The following SLC44A5 variants were observed in gnomAD, a reference collection of about 807,000 sequenced individuals.
SLC44A5 encodes choline transporter-like protein 5.
In SLC44A5, 57 loss-of-function variants were observed where a neutral mutation model predicts 101.8. The observed-to-expected ratio is 0.56, with a 90% CI of 0.45 to 0.70. The LOEUF (loss-of-function observed/expected upper bound fraction) is 0.70. Ranked by LOEUF, SLC44A5 falls within the 30% of genes least tolerant of loss-of-function variation. SLC44A5 has a pLI of 0.00. For missense variants in SLC44A5, 737 were observed against 853.1 expected (o/e 0.86, Z 1.70); for synonymous variants, 281 against 290.9 (o/e 0.97, Z 0.35).
intron 2 of SLC44A5, among the ~76,000 whole-genome samples, chr1:75,400,468 A>T (rs1662405438): frequency 6.6e-6 from 1 of 152,234 alleles, no homozygotes; most frequent in South Asian, 2.1e-4. Flanking sequence ...TAGTAGGTAG[A>T]ATCTTCAGGA....
chr1:75,613,144 C>T (rs1368709984), upstream of SLC44A5, among the ~76,000 whole-genome samples: 2 of 152,156 alleles, frequency 1.3e-5, no homozygotes, highest in Admixed American at 6.5e-5. Flanking sequence ...TCACAAGATC[C>T]GACGAATGAT....
At chr1:75,419,468 A>G (rs912558373) in intron 2 of SLC44A5, among the ~76,000 whole-genome samples, 12 of 151,750 alleles carry the variant, frequency 7.9e-5, no homozygotes, top group Non-Finnish European at 1.6e-4. Context: ...TGCTAAAGAG[A>G]GAGAAAAAAA....
chr1:75,698,878 C>T, the SLC44A5 span, among the ~76,000 whole-genome samples: 1 of 152,112 alleles, frequency 6.6e-6, no homozygotes, highest in East Asian at 1.9e-4. Flanking sequence ...GGAGCCAATG[C>T]TATCAACTGG....
the SLC44A5 span, among the ~76,000 whole-genome samples, chr1:75,699,148 G>C: frequency 2.0e-5 from 3 of 152,020 alleles, no homozygotes; most frequent in Admixed American, 1.3e-4. Context: ...AGGAAATACA[G>C]AGAACACCAC....
chr1:75,719,416 C>T, the SLC44A5 span, among the ~76,000 whole-genome samples: 1 of 151,890 alleles, frequency 6.6e-6, no homozygotes, highest in African/African-American at 2.4e-5. Flanking sequence ...ATTTATTTTG[C>T]AAATAAATTG....
At chr1:75,230,420 A>C (rs937450518) in intron 12 of SLC44A5, among the ~76,000 whole-genome samples, 3 of 148,068 alleles carry the variant, frequency 2.0e-5, no homozygotes, top group African/African-American at 7.5e-5. Context: ...GCTAATTTTT[A>C]TATTTTTTTT....
intron 6 of SLC44A5, among the ~76,000 whole-genome samples, chr1:75,258,189 G>A (rs1196253797): frequency 2.0e-5 from 3 of 151,964 alleles, no homozygotes; most frequent in Non-Finnish European, 4.4e-5. Flanking sequence ...CAGTGAGACA[G>A]AACTGTTCAC....
chr1:75,211,780 G>A (rs1344156316), intron 22 of SLC44A5, among the ~76,000 whole-genome samples: 2 of 151,304 alleles, frequency 1.3e-5, no homozygotes, highest in African/African-American at 4.9e-5. Flanking sequence ...TTTTTGGGGG[G>A]TACTATTTTC....
At chr1:75,412,033 A>C (rs966932097) in intron 2 of SLC44A5, among the ~76,000 whole-genome samples, 1 of 152,146 alleles carries the variant, frequency 6.6e-6, no homozygotes, top group African/African-American at 2.4e-5. Flanking sequence ...GCCTACTTTT[A>C]GTATCTAATT....
chr1:75,375,353 C>A (rs2347214), intron 3 of SLC44A5, among the ~76,000 whole-genome samples: 31,025 of 152,090 alleles, frequency 0.2, 4,373 homozygotes, highest in East Asian at 0.81. Flanking sequence ...AGAGACTATA[C>A]GTGTGACTCA....
intron 5 of SLC44A5, among the ~76,000 whole-genome samples, chr1:75,300,014 CAAAAAAAAAAAAAA>C (rs35608663): frequency 3.2e-5 from 3 of 93,796 alleles, no homozygotes; most frequent in African/African-American, 1.1e-4. Context: ...GACTCTGTCT[CAAAAAAAAAAAAAA>C]AAAAAAAAAA....
intron 2 of SLC44A5, among the ~76,000 whole-genome samples, chr1:75,436,471 C>T (rs918016025): frequency 6.6e-6 from 1 of 151,990 alleles, no homozygotes; most frequent in African/African-American, 2.4e-5. Flanking sequence ...TAAAAATACA[C>T]TATAAAAGAT....
At chr1:75,319,810 AAAAT>A (rs1445185302) in intron 4 of SLC44A5, among the ~76,000 whole-genome samples, 1 of 152,216 alleles carries the variant, frequency 6.6e-6, no homozygotes, top group East Asian at 1.9e-4. Context: ...TATAACAGAT[AAAAT>A]AAAAATGTAT....
chr1:75,575,546 T>C (rs1213719493), intron 1 of SLC44A5, among the ~76,000 whole-genome samples: 2 of 152,184 alleles, frequency 1.3e-5, no homozygotes, highest in Admixed American at 6.5e-5. Flanking sequence ...TAGGAGCTGG[T>C]AGGAAATTTA....
Position 75,554,468 on chromosome 1 carries a change from T to C in SLC44A5, c.-69-12952A>G, listed in dbSNP as rs1430743923. Among the ~76,000 whole-genome samples, 64 of 26,684 alleles carry C rather than the reference T, an allele frequency of 2.4e-3. 1 individual carries two copies. Among genetic ancestry groups the C allele is most frequent in the African/African-American group, 0.011 (63 of 5,522 alleles). The allele number at this position is 26,684 out of a possible 152,430, so 17.5% of individuals were successfully genotyped here. On this transcript the variant is annotated intron_variant, in intron 1 of 23. Coordinates refer to ENST00000370859, the MANE Select transcript of SLC44A5 (RefSeq NM_001130058.2). ...GCCTGAGCAACAGAGTGTGACTCTG[T>C]CAAAAAAAAAAAAAAAAAATGTAAT... is the stretch of plus-strand genomic sequence containing the variant.
At chr1:75,453,259 T>C (rs891850804) in intron 2 of SLC44A5, among the ~76,000 whole-genome samples, 3 of 152,020 alleles carry the variant, frequency 2.0e-5, no homozygotes, top group Admixed American at 2.0e-4. Context: ...TACATAGAAA[T>C]TAAACAACTT....
At chr1:75,454,464 A>G (rs1666078033) in intron 2 of SLC44A5, among the ~76,000 whole-genome samples, 1 of 152,148 alleles carries the variant, frequency 6.6e-6, no homozygotes, top group Admixed American at 6.6e-5. Flanking sequence ...CAAAAGCTGG[A>G]AACATTCCCC....
chr1:75,270,622 C>T (rs960750858), intron 6 of SLC44A5, among the ~76,000 whole-genome samples: 25 of 152,084 alleles, frequency 1.6e-4, no homozygotes, highest in African/African-American at 5.8e-4. Flanking sequence ...GCAATGATAA[C>T]CCAGACCCCA....
intron 3 of SLC44A5, among the ~76,000 whole-genome samples, chr1:75,384,083 T>C (rs1307341464): frequency 6.6e-6 from 1 of 151,514 alleles, no homozygotes; most frequent in Non-Finnish European, 1.5e-5. Flanking sequence ...GAACTACCGG[T>C]ACCAGCCGCT....
Sources: allele counts gnomAD v4.1 joint callset (sites outside exome capture counted in the v4.1 genomes callset), GRCh38; gene constraint gnomAD v4.1.1; transcripts MANE v1.5; gene names NCBI Gene and HGNC (gene_info 2026-07-23, HGNC 2026-07-21).